CAMTA1: variants seen among roughly 807,000 people sequenced by gnomAD.
CAMTA1 encodes the protein calmodulin binding transcription activator 1, also known as calmodulin-binding transcription activator 1.
A neutral mutation model predicts 170.9 loss-of-function variants in CAMTA1; 27 were observed. That is an observed-to-expected ratio of 0.16 (90% CI 0.12 to 0.22). The LOEUF is 0.22. Among genes scored for constraint, CAMTA1 ranks in the 10% least tolerant of loss-of-function variants. CAMTA1 has a pLI of 1.00. For synonymous variants in CAMTA1, 833 were observed against 891.5 expected (o/e 0.93, Z 1.17); for missense variants, 1,619 against 2,217.2 (o/e 0.73, Z 5.42).
chr1:7,695,004 C>T (rs1430715979), intron 11 of CAMTA1, among the ~76,000 whole-genome samples: 1 of 152,200 alleles, frequency 6.6e-6, no homozygotes. Flanking sequence ...ATTCCTGAGG[C>T]ATAAAAAATG....
chr1:7,305,087 G>A (rs1229828585), intron 5 of CAMTA1, among the ~76,000 whole-genome samples: 1 of 151,968 alleles, frequency 6.6e-6, no homozygotes, highest in East Asian at 1.9e-4. Context: ...CTCAAGTGTT[G>A]CCAAACTATT....
intron 12 of CAMTA1, among the ~76,000 whole-genome samples, chr1:7,733,042 A>AT (rs907233012): frequency 2.6e-5 from 4 of 151,770 alleles, no homozygotes; most frequent in African/African-American, 7.3e-5. Context: ...GAAAAAAAAA[A>AT]TTTTTTTTAA....
Position 7,732,576 on chromosome 1 carries a change from G to A in CAMTA1, c.3043G>A (p.Gly1015Arg), listed in dbSNP as rs149581711. The change falls in exon 12 of 23, where the codon GGG becomes AGG. Residue 1015 changes from glycine (G) to arginine (R), a missense_variant. Transcript: ENST00000303635. The surrounding 1 kb of genome is among the most constrained non-coding windows in gnomAD (Gnocchi z 4.1). ...CAGCAGTGGAGGCGGCAGCGGGAGCGGGAATGGAGGGAGCCAGGCACAGGT... is the reference window on the plus strand; with the variant it reads ...CAGCAGTGGAGGCGGCAGCGGGAGCAGGAATGGAGGGAGCCAGGCACAGGT... ...GGSSGGGSGS[G>R]NGGSQAQCAS... The A allele has an allele frequency of 7.6e-5, 123 of 1,609,484 alleles. No individual in the cohort carries two copies. Among genetic ancestry groups the A allele is most frequent in the Middle Eastern group, 3.8e-4 (2 of 5,198 alleles).
chr1:6,966,811 C>T (rs534680760), intron 3 of CAMTA1, among the ~76,000 whole-genome samples: 7 of 151,486 alleles, frequency 4.6e-5, no homozygotes, highest in Middle Eastern at 3.4e-3. Flanking sequence ...TGGATTTCAC[C>T]GTGTTGCCCA....
At position 7,044,571 on chromosome 1, in the gene CAMTA1, G is replaced by A. The variant is rs892863381; in HGVS notation, c.235-46733G>A. 6.6e-6 allele frequency among the ~76,000 whole-genome samples: 1 copy of A among 152,170 alleles called. No individual in the cohort carries two copies. The highest frequency in any genetic ancestry group is 1.5e-5 in the Non-Finnish European group (1 of 68,030). ...TGCGTGATTAGCAGATGGGTGATGG[G>A]GCCTCTAGCGGGCAGATTCTGTGGT... On this transcript the variant is annotated intron_variant, in intron 3 of 22. Transcript: ENST00000303635. The surrounding 1 kb of genome is among the most constrained non-coding windows in gnomAD (Gnocchi z 5.0).
chr1:7,765,787 G>A (rs539732907), intron 22 of CAMTA1, among the ~76,000 whole-genome samples: 2 of 152,154 alleles, frequency 1.3e-5, no homozygotes, highest in Non-Finnish European at 1.5e-5. Flanking sequence ...CAGCACTTTG[G>A]GAGGCTGGGT....
At chr1:7,004,064 T>C (rs1198160795) in intron 3 of CAMTA1, among the ~76,000 whole-genome samples, 1 of 152,220 alleles carries the variant, frequency 6.6e-6, no homozygotes, top group Non-Finnish European at 1.5e-5. Context: ...CCAGCTTTCC[T>C]TGAAATAAAA....
At chr1:7,334,623 C>A (rs1188994227) in intron 5 of CAMTA1, among the ~76,000 whole-genome samples, 2 of 152,168 alleles carry the variant, frequency 1.3e-5, no homozygotes, top group Non-Finnish European at 2.9e-5. Context: ...CTCTCTTGTT[C>A]CTCCCCTGAC....
At chr1:7,576,256 C>A (rs755460924) in intron 6 of CAMTA1, among the ~76,000 whole-genome samples, 1 of 152,040 alleles carries the variant, frequency 6.6e-6, no homozygotes, top group African/African-American at 2.4e-5. Context: ...GTGATCCATC[C>A]GCCTCGGCCA....
chr1:7,607,825 G>A (rs1298132807), intron 6 of CAMTA1, among the ~76,000 whole-genome samples: 1 of 152,214 alleles, frequency 6.6e-6, no homozygotes, highest in Non-Finnish European at 1.5e-5. Context: ...AATCATAGTA[G>A]ATTCTATAGA....
chr1:7,110,282 C>CT (rs141512390), intron 4 of CAMTA1, among the ~76,000 whole-genome samples: 15 of 151,268 alleles, frequency 9.9e-5, no homozygotes, highest in Admixed American at 2.0e-4. Flanking sequence ...CCCTTCCCCC[C>CT]TTTTTTTTTA....
intron 5 of CAMTA1, among the ~76,000 whole-genome samples, chr1:7,433,929 C>A (rs2092263553): frequency 6.6e-6 from 1 of 152,126 alleles, no homozygotes; most frequent in Non-Finnish European, 1.5e-5. Flanking sequence ...ACAGGATCAG[C>A]CCTCCTCATT....
intron 5 of CAMTA1, among the ~76,000 whole-genome samples, chr1:7,372,953 G>C (rs1187720361): frequency 6.6e-6 from 1 of 152,210 alleles, no homozygotes; most frequent in Non-Finnish European, 1.5e-5. Flanking sequence ...ACCAGGTAGT[G>C]CTTCCACAGT....
intron 3 of CAMTA1, among the ~76,000 whole-genome samples, chr1:6,944,730 C>T (rs1687294398): frequency 6.6e-6 from 1 of 152,228 alleles, no homozygotes; most frequent in Non-Finnish European, 1.5e-5. Context: ...CACTTTCTGA[C>T]ATACTACAGA....
intron 6 of CAMTA1, among the ~76,000 whole-genome samples, chr1:7,475,974 TGCTG>T (rs533515966): frequency 0.015 from 2,345 of 152,256 alleles, 68 homozygotes; most frequent in African/African-American, 0.053. Context: ...AGCCTGGATG[TGCTG>T]GCCTCACAGG....
chr1:7,252,975 G>C (rs987183787), intron 5 of CAMTA1, among the ~76,000 whole-genome samples: 1 of 152,146 alleles, frequency 6.6e-6, no homozygotes, highest in Non-Finnish European at 1.5e-5. Context: ...GCACAGGATG[G>C]GGGCAGCTGC....
intron 19 of CAMTA1, among the ~76,000 whole-genome samples, 190 bp downstream of exon 19, chr1:7,747,971 G>T (rs11121019): frequency 0.054 from 8,224 of 151,062 alleles, 735 homozygotes; most frequent in African/African-American, 0.19. Flanking sequence ...GGAGTGCAGT[G>T]GCATGATCTG....
intron 5 of CAMTA1, among the ~76,000 whole-genome samples, chr1:7,264,541 T>C (rs1448932457): frequency 1.4e-5 from 2 of 146,036 alleles, no homozygotes; most frequent in African/African-American, 5.1e-5. Flanking sequence ...GTGTTTTGTA[T>C]TCAAAACCAC....
rs117802071 is a variant in CAMTA1, at chr1:7,609,576, C to T, written c.511-30824C>T. 4.4e-4 allele frequency among the ~76,000 whole-genome samples: 67 copies of T among 152,330 alleles called. No homozygotes were observed. The East Asian group carries it at 7.5e-3, about 17-fold the overall frequency. ...TCCAGCCCTGCAGGAGTGAGCCAGCCTCAGCCAGGCCATGGCACAAAAGGG... is the reference window on the plus strand; with the variant it reads ...TCCAGCCCTGCAGGAGTGAGCCAGCTTCAGCCAGGCCATGGCACAAAAGGG... On this transcript the variant is annotated intron_variant, in intron 6 of 22. Coordinates refer to ENST00000303635, the MANE Select transcript of CAMTA1 (RefSeq NM_015215.4). This position sits in a 1 kb window ranked among gnomAD's most constrained non-coding sequence, Gnocchi z 4.4.
Sources: allele counts gnomAD v4.1 joint callset (sites outside exome capture counted in the v4.1 genomes callset), GRCh38; gene constraint gnomAD v4.1.1; non-coding constraint Gnocchi (gnomAD v3.1); transcripts MANE v1.5; gene names NCBI Gene and HGNC (gene_info 2026-07-23, HGNC 2026-07-21).